The following KMT2C variants were observed in gnomAD, a reference collection of about 807,000 sequenced individuals.
KMT2C encodes the protein lysine methyltransferase 2C, also known as histone-lysine N-methyltransferase 2C.
Under a neutral mutation model 507.9 loss-of-function variants are expected in KMT2C, and 88 were observed. The ratio of observed to expected loss-of-function variants is 0.17; its 90% CI spans 0.15 to 0.21. KMT2C has a LOEUF of 0.21. Ranked by LOEUF, KMT2C falls within the 10% of genes least tolerant of loss-of-function variation. The pLI is 1.00. For missense variants in KMT2C, 4,954 were observed against 5,957.8 expected (o/e 0.83, Z 5.55); for synonymous variants, 2,049 against 2,080.8 (o/e 0.98, Z 0.42).
chr7:152,218,973 CTT>C (rs34359411), intron 23 of KMT2C, among the ~76,000 whole-genome samples: 28 of 144,722 alleles, frequency 1.9e-4, no homozygotes, highest in African/African-American at 2.5e-4. Context: ...CTTCCAATTC[CTT>C]TTTTTTTTTT....
chr7:152,343,625 C>A (rs2097022177), intron 2 of KMT2C, among the ~76,000 whole-genome samples: 1 of 151,954 alleles, frequency 6.6e-6, no homozygotes, highest in African/African-American at 2.4e-5. Context: ...AAACAAACTA[C>A]ACCTGGTCAC....
In KMT2C at chr7:152,177,062, CTTT is replaced by C; in HGVS notation, c.8388_8390del (p.Lys2797del). On this transcript the variant is annotated inframe_deletion, in exon 38 of 59. Coordinates refer to ENST00000262189, the MANE Select transcript of KMT2C (RefSeq NM_170606.3). The stretch of plus-strand genomic sequence containing the variant: ...GAACCAGAGTTTTGTTTTCTTGTTC[CTTT>C]TTTTTTGGTTCAACAGATACACACT... 1 of 1,590,314 alleles carries C rather than the reference CTTT, an allele frequency of 6.3e-7. No individual in the cohort carries two copies. Among genetic ancestry groups the C allele is most frequent in the Non-Finnish European group, 8.6e-7 (1 of 1,164,446 alleles).
chr7:152,183,270 C>T (rs2129121756), intron 34 of KMT2C, 114 bp from the exon 35 acceptor site: 1 of 809,184 alleles, frequency 1.2e-6, no homozygotes, highest in Non-Finnish European at 1.9e-6. Context: ...GGTAAAATAG[C>T]TGAAATACTT....
chr7:152,216,994 A>G (rs979837392), intron 23 of KMT2C, among the ~76,000 whole-genome samples: 25 of 152,176 alleles, frequency 1.6e-4, no homozygotes, highest in African/African-American at 6.0e-4. Flanking sequence ...TGGTTCACCT[A>G]TTTTATAAAT....
chr7:152,187,436 T>C lies in KMT2C; in HGVS notation c.4834A>G (p.Asn1612Asp), dbSNP rs781393210. 4.3e-5 allele frequency: 69 copies of C among 1,614,000 alleles called. No homozygotes were observed. Among genetic ancestry groups the C allele is most frequent in the Non-Finnish European group, 5.5e-5 (65 of 1,180,004 alleles). Residue 1612 changes from asparagine to aspartate, a missense_variant, in exon 33 of 59, where the codon AAC (asparagine) becomes GAC (aspartate). Asn to Asp is a conservative substitution (Grantham distance 23, BLOSUM62 1). This residue lies in a region of KMT2C where 195 missense variants were observed against 183.7 expected (regional missense o/e 1.06). Transcript: ENST00000262189. ...SAFNPMASDP[N>D]NSWTSSAPTV... is the part of the protein sequence containing the mutation. ...GGAGCTGATGATGTCCAAGAGTTGT[T>C]AGGATCACTTGCCATTGGATTAAAG... is the stretch of plus-strand genomic sequence containing the variant.
At chr7:152,279,824 T>A (rs566785247) in intron 6 of KMT2C, among the ~76,000 whole-genome samples, 1 of 152,364 alleles carries the variant, frequency 6.6e-6, no homozygotes, top group African/African-American at 2.4e-5. Flanking sequence ...TCTGAAGGAA[T>A]ACAAATATAT....
chr7:152,352,070 C>T (rs368335867), intron 2 of KMT2C, among the ~76,000 whole-genome samples: 2 of 152,248 alleles, frequency 1.3e-5, no homozygotes, highest in Admixed American at 6.5e-5. Context: ...GAAGAAATAT[C>T]GCTGAATTCT....
At chr7:152,271,066 G>A (rs1300379905) in intron 7 of KMT2C, among the ~76,000 whole-genome samples, 2 of 152,002 alleles carry the variant, frequency 1.3e-5, no homozygotes, top group African/African-American at 2.4e-5. Flanking sequence ...TTAGATAGGA[G>A]GTAAAATAAC....
intron 20 of KMT2C, 69 bp from the exon 21 acceptor site, chr7:152,222,751 C>T (rs1588351836): frequency 1.2e-6 from 1 of 839,846 alleles, no homozygotes; most frequent in Non-Finnish European, 2.0e-6. Flanking sequence ...CCTTTTAAAA[C>T]CTGTAACACT....
chr7:152,242,881 GC>G (rs1292946687), intron 14 of KMT2C, among the ~76,000 whole-genome samples: 6 of 152,068 alleles, frequency 3.9e-5, no homozygotes, highest in Non-Finnish European at 8.8e-5. Flanking sequence ...ATCAACCCCA[GC>G]CCCACACTCT....
Position 152,144,710 on chromosome 7 carries a change from C to T in KMT2C, c.14343+3G>A, listed in dbSNP as rs2090934349. The T allele has an allele frequency of 1.2e-6, 2 of 1,612,338 alleles. No individual in the cohort carries two copies. Among genetic ancestry groups the T allele is most frequent in the Non-Finnish European group, 1.7e-6 (2 of 1,178,656 alleles). ...ACTTCCTGTACACAAAGTATTTCTT[C>T]ACCTGAATCCGAGACCGTGCCAGAT... On this transcript the variant is annotated splice_donor_region_variant and intron_variant, in intron 55 of 58. Transcript: ENST00000262189. This position sits in a 1 kb window ranked among gnomAD's most constrained non-coding sequence, Gnocchi z 4.4.
At chr7:152,137,710 C>CT (rs1344171387) in intron 58 of KMT2C, 2 of 152,188 alleles carry the variant, frequency 1.3e-5, no homozygotes, top group African/African-American at 2.4e-5. Flanking sequence ...GTCATTTTCT[C>CT]TATCTTGCAG....
chr7:152,395,496 AGTTTTGTTTTGTTTT>A (rs142333055), intron 1 of KMT2C, among the ~76,000 whole-genome samples: 1 of 150,490 alleles, frequency 6.6e-6, no homozygotes, highest in African/African-American at 2.5e-5. Context: ...ACCATTTTTA[AGTTTTGTTTTGTTTT>A]GTTTTGTTTT....
At position 152,431,982 on chromosome 7, in the gene KMT2C, C is replaced by T. The variant is rs183303142; in HGVS notation, c.161+3644G>A. On this transcript the variant is annotated intron_variant, in intron 1 of 58. Coordinates refer to ENST00000262189, the MANE Select transcript of KMT2C (RefSeq NM_170606.3). Reference sequence around the variant, plus strand: ...AGGAGAAATTTTGTTGGGGGAAGGGCGTTACAAATACAGAGTAGCAACCTA... The same window carrying T: ...AGGAGAAATTTTGTTGGGGGAAGGGTGTTACAAATACAGAGTAGCAACCTA... 2.1e-3 allele frequency among the ~76,000 whole-genome samples: 317 copies of T among 152,168 alleles called. 2 individuals carry two copies. Among genetic ancestry groups the T allele is most frequent in the African/African-American group, 6.8e-3 (283 of 41,514 alleles).
intron 2 of KMT2C, 119 bp downstream of exon 2, chr7:152,358,468 A>T: frequency 1.7e-6 from 1 of 596,424 alleles, no homozygotes; most frequent in Non-Finnish European, 2.8e-6. Flanking sequence ...TGGGAAACTT[A>T]GAGTTCAGTA....
At chr7:152,151,190 AAAACC>A (rs2091591176) in intron 50 of KMT2C, among the ~76,000 whole-genome samples, 183 bp from the exon 51 acceptor site, 1 of 152,260 alleles carries the variant, frequency 6.6e-6, no homozygotes, top group African/African-American at 2.4e-5. Flanking sequence ...ATACATGTAT[AAAACC>A]AAACTATGTG....
intron 43 of KMT2C, among the ~76,000 whole-genome samples, 187 bp from the exon 44 acceptor site, chr7:152,159,259 C>T (rs774234960): frequency 5.9e-5 from 9 of 152,164 alleles, no homozygotes; most frequent in Non-Finnish European, 8.8e-5. Context: ...ACGTTATTCT[C>T]GAGTATGGAA....
At chr7:152,314,083 C>T (rs958951124) in intron 4 of KMT2C, among the ~76,000 whole-genome samples, 17 of 152,078 alleles carry the variant, frequency 1.1e-4, no homozygotes, top group African/African-American at 3.9e-4. Context: ...GCTATAGCCT[C>T]CAAAACATCA....
At chr7:152,202,566 T>C (rs533342655) in intron 26 of KMT2C, among the ~76,000 whole-genome samples, 24 of 152,312 alleles carry the variant, frequency 1.6e-4, no homozygotes, top group African/African-American at 5.8e-4. Context: ...AATCAATGAA[T>C]ATAATTAATG....
Sources: allele counts gnomAD v4.1 joint callset (sites outside exome capture counted in the v4.1 genomes callset), GRCh38; gene constraint gnomAD v4.1.1; regional missense constraint gnomAD v4.1.1; non-coding constraint Gnocchi (gnomAD v3.1); transcripts MANE v1.5; gene names NCBI Gene and HGNC (gene_info 2026-07-23, HGNC 2026-07-21).